Variants in GLI3 observed in about 807,000 individuals in gnomAD.
The protein encoded by GLI3 is transcription activator GLI3.
Under a neutral mutation model 100.8 loss-of-function variants are expected in GLI3, and 20 were observed. The observed-to-expected ratio is 0.20, with a 90% CI of 0.14 to 0.29. GLI3 has a LOEUF of 0.29. GLI3 is among the 10% of genes least tolerant of loss of function. The pLI, the probability that GLI3 is intolerant of heterozygous loss-of-function variation, is 1.00. For synonymous variants in GLI3, 938 were observed against 860.5 expected (o/e 1.09, Z -1.58); for missense variants, 2,040 against 2,128.5 (o/e 0.96, Z 0.82).
Position 42,146,395 on chromosome 7 carries a change from GA to G in GLI3, c.367+1830del, listed in dbSNP as rs368211456. Among the ~76,000 whole-genome samples the G allele has an allele frequency of 1.8e-3, 267 of 152,234 alleles. 1 individual carries two copies. The highest frequency in any genetic ancestry group is 6.2e-3 in the African/African-American group (258 of 41,522). ...GTAGAGAGCTCCCAGCCCCTCAGAG[GA>G]CGGGAAGATTCAATGGGGGAAACCG... On this transcript the variant is annotated intron_variant, in intron 3 of 14. Transcript: ENST00000395925.
At chr7:42,026,583 C>G (rs1479117598) in intron 7 of GLI3, among the ~76,000 whole-genome samples, 171 bp from the exon 8 acceptor site, 1 of 152,198 alleles carries the variant, frequency 6.6e-6, no homozygotes, top group Non-Finnish European at 1.5e-5. Flanking sequence ...GAAAGATGAA[C>G]ACTGAGATGA....
chr7:42,251,397 C>T (rs769359403), intron 1 of GLI3, among the ~76,000 whole-genome samples: 2 of 152,222 alleles, frequency 1.3e-5, no homozygotes, highest in African/African-American at 2.4e-5. Context: ...GCTGATCTGA[C>T]AGGAGGCAGA....
At chr7:42,140,755 G>A (rs1165281996) in intron 3 of GLI3, among the ~76,000 whole-genome samples, 1 of 152,222 alleles carries the variant, frequency 6.6e-6, no homozygotes. Flanking sequence ...AGCTAAGGCA[G>A]GATGGGAGAT....
intron 4 of GLI3, among the ~76,000 whole-genome samples, chr7:42,053,265 G>A (rs1784388485): frequency 1.3e-5 from 2 of 152,220 alleles, no homozygotes; most frequent in South Asian, 4.1e-4. Context: ...CCAAAGTGCT[G>A]GGATTACAGG....
chr7:42,058,848 T>C (rs1319627265), intron 4 of GLI3, among the ~76,000 whole-genome samples: 1 of 152,210 alleles, frequency 6.6e-6, no homozygotes, highest in African/African-American at 2.4e-5. Context: ...ATGTGCCAAA[T>C]TTGTCTCTAC....
chr7:42,065,372 T>C (rs1784653421), intron 4 of GLI3, among the ~76,000 whole-genome samples: 1 of 151,920 alleles, frequency 6.6e-6, no homozygotes, highest in Non-Finnish European at 1.5e-5. Context: ...TAAAAACAAC[T>C]GAATGTACCC....
chr7:42,100,176 C>T (rs537342751), intron 3 of GLI3, among the ~76,000 whole-genome samples: 9 of 152,326 alleles, frequency 5.9e-5, no homozygotes, highest in South Asian at 2.1e-4. Context: ...GACTTGGGAG[C>T]TGCCCGGTGC....
At chr7:42,078,906 T>C (rs1174953599) in intron 3 of GLI3, among the ~76,000 whole-genome samples, 1 of 151,990 alleles carries the variant, frequency 6.6e-6, no homozygotes, top group Admixed American at 6.6e-5. Flanking sequence ...ATTTTTTGTA[T>C]TTTTAGTAGA....
intron 1 of GLI3, among the ~76,000 whole-genome samples, chr7:42,228,881 A>G (rs928539048): frequency 6.6e-6 from 1 of 152,174 alleles, no homozygotes; most frequent in Non-Finnish European, 1.5e-5. Flanking sequence ...TGGAGTCCCA[A>G]TGTTCAACCT....
At chr7:42,230,774 G>A (rs1788682249) in intron 1 of GLI3, among the ~76,000 whole-genome samples, 1 of 152,204 alleles carries the variant, frequency 6.6e-6, no homozygotes, top group African/African-American at 2.4e-5. Flanking sequence ...ACTGCAGGAA[G>A]CAGCATGCAT....
intron 2 of GLI3, among the ~76,000 whole-genome samples, chr7:42,190,134 T>C (rs1462284729): frequency 5.2e-5 from 5 of 96,762 alleles, no homozygotes; most frequent in African/African-American, 2.6e-4. Context: ...AATATCATCT[T>C]ACTGTCAAAA....
At chr7:42,140,936 G>A (rs1786553959) in intron 3 of GLI3, among the ~76,000 whole-genome samples, 1 of 152,084 alleles carries the variant, frequency 6.6e-6, no homozygotes, top group Admixed American at 6.5e-5. Context: ...AGGGAAGGAA[G>A]GAAGGAAACA....
intron 4 of GLI3, among the ~76,000 whole-genome samples, chr7:42,075,599 T>G (rs1354244894): frequency 1.3e-5 from 2 of 152,202 alleles, no homozygotes; most frequent in Non-Finnish European, 2.9e-5. Flanking sequence ...CAGTGAAAAC[T>G]CAAAGGATCA....
chr7:41,981,457 CA>C (rs1264776999), intron 10 of GLI3, among the ~76,000 whole-genome samples: 5 of 152,202 alleles, frequency 3.3e-5, no homozygotes, highest in Admixed American at 6.5e-5. Flanking sequence ...TGGTGCTACT[CA>C]AGGGAGCAGG....
Position 41,966,907 on chromosome 7 carries a change from G to A in GLI3, c.2432-266C>T, listed in dbSNP as rs1347428965. 6.6e-6 allele frequency among the ~76,000 whole-genome samples: 1 copy of A among 152,150 alleles called. No individual in the cohort carries two copies. The highest frequency in any genetic ancestry group is 1.5e-5 in the Non-Finnish European group (1 of 68,026). On this transcript the variant is annotated intron_variant, in intron 14 of 14. Transcript: ENST00000395925. The surrounding 1 kb of genome is among the most constrained non-coding windows in gnomAD (Gnocchi z 5.8). ...CGGCTGGAGATGGCCGCAGGCTGTAGTTTGCTGATGCCTGGCTTAAACAAA... is the reference window on the plus strand; with the variant it reads ...CGGCTGGAGATGGCCGCAGGCTGTAATTTGCTGATGCCTGGCTTAAACAAA...
At chr7:42,189,048 C>T (rs549909734) in intron 2 of GLI3, among the ~76,000 whole-genome samples, 4 of 152,166 alleles carry the variant, frequency 2.6e-5, no homozygotes, top group African/African-American at 9.6e-5. Flanking sequence ...CAATGTACCT[C>T]TCTGGTGGAG....
At chr7:42,185,687 C>T (rs1787703893) in intron 2 of GLI3, among the ~76,000 whole-genome samples, 1 of 152,228 alleles carries the variant, frequency 6.6e-6, no homozygotes, top group South Asian at 2.1e-4. Flanking sequence ...AGTATATGTG[C>T]ATTGTCTTCT....
chr7:42,252,019 A>C (rs1440023512), intron 1 of GLI3, among the ~76,000 whole-genome samples: 1 of 152,212 alleles, frequency 6.6e-6, no homozygotes, highest in East Asian at 1.9e-4. Context: ...ACCCAAAGGA[A>C]TATAAATCAT....
rs1399654830 is a variant in GLI3, at chr7:42,023,467, C to T, written c.1497+1G>A. 2 of 1,614,166 alleles carry T rather than the reference C, an allele frequency of 1.2e-6. No homozygotes were observed. Among genetic ancestry groups the T allele is most frequent in the Non-Finnish European group, 1.7e-6 (2 of 1,180,004 alleles). Reference sequence around the variant, plus strand: ...TCGGTTCCTGAATACCATCCACTTACGTGCACAAGCTGCTCTTGGGTGTCG... The same window carrying T: ...TCGGTTCCTGAATACCATCCACTTATGTGCACAAGCTGCTCTTGGGTGTCG... On this transcript the variant is annotated splice_donor_variant, in intron 10 of 14. Transcript: ENST00000395925. LOFTEE classifies it high-confidence loss of function.
Sources: allele counts gnomAD v4.1 joint callset (sites outside exome capture counted in the v4.1 genomes callset), GRCh38; gene constraint gnomAD v4.1.1; non-coding constraint Gnocchi (gnomAD v3.1); transcripts MANE v1.5; gene names NCBI Gene and HGNC (gene_info 2026-07-23, HGNC 2026-07-21).